C12orf42: variants seen among roughly 807,000 people sequenced by gnomAD.
C12orf42 encodes chromosome 12 open reading frame 42.
C12orf42 carries 25 observed loss-of-function variants against 21.6 expected under a neutral mutation model. The ratio of observed to expected loss-of-function variants is 1.16; its 90% CI spans 0.84 to 1.62. C12orf42 has a LOEUF of 1.62. C12orf42 is among the 40% of genes most tolerant of loss of function. The probability of loss-of-function intolerance (pLI) is 0.00; values close to 1 mark genes in which losing one functional copy is unlikely to be tolerated. For missense variants in C12orf42, 483 were observed against 459.3 expected (o/e 1.05, Z -0.47); for synonymous variants, 174 against 175.0 (o/e 0.99, Z 0.05).
intron 2 of C12orf42, among the ~76,000 whole-genome samples, chr12:103,462,095 G>GTTTTTTTTTTTTT (rs1565867930): frequency 4.1e-4 from 13 of 31,482 alleles, no homozygotes; most frequent in South Asian, 8.8e-4. Context: ...TTTTTTGCTT[G>GTTTTTTTTTTTTT]GTTTTTTTTT....
intron 1 of C12orf42, 136 bp from the exon 2 acceptor site, chr12:103,478,583 A>AT (rs3065865): frequency 0.057 from 15,970 of 279,616 alleles, 112 homozygotes; most frequent in East Asian, 0.067. Flanking sequence ...ACTTTCAATA[A>AT]TTTTTTTTTT....
At chr12:103,437,695 A>C (rs1379737137) in intron 2 of C12orf42, among the ~76,000 whole-genome samples, 1 of 150,698 alleles carries the variant, frequency 6.6e-6, no homozygotes, top group Non-Finnish European at 1.5e-5. Context: ...CTCTCCCAAA[A>C]CTAAACCAGG....
At chr12:103,297,581 G>A (rs1394677454), downstream of C12orf42, among the ~76,000 whole-genome samples, 1 of 152,130 alleles carries the variant, frequency 6.6e-6, no homozygotes, top group Non-Finnish European at 1.5e-5. Flanking sequence ...AGAAAAAGAG[G>A]GAATCCTCCC....
chr12:103,475,196 G>C (rs1416977050), intron 2 of C12orf42, among the ~76,000 whole-genome samples: 1 of 152,178 alleles, frequency 6.6e-6, no homozygotes, highest in Non-Finnish European at 1.5e-5. Context: ...ATCCCAGCAG[G>C]CTTTTGCCGC....
At chr12:103,483,612 T>C (rs1954621501) in intron 1 of C12orf42, among the ~76,000 whole-genome samples, 2 of 152,320 alleles carry the variant, frequency 1.3e-5, no homozygotes, top group South Asian at 4.1e-4. Context: ...GCAGCCGTTT[T>C]TTTGCTGAAT....
chr12:103,240,079 T>C (rs1263053501), intron 10 of C12orf42, among the ~76,000 whole-genome samples: 3 of 152,192 alleles, frequency 2.0e-5, no homozygotes, highest in African/African-American at 7.2e-5. Flanking sequence ...CACTAAGCAT[T>C]TACTAATATA....
At chr12:103,379,981 T>A (rs1273061428) in intron 3 of C12orf42, among the ~76,000 whole-genome samples, 2 of 152,198 alleles carry the variant, frequency 1.3e-5, no homozygotes, top group East Asian at 3.8e-4. Flanking sequence ...TTTGGGCTTT[T>A]TCTTTAGCCA....
chr12:103,068,902 G>GAT, the C12orf42 span, among the ~76,000 whole-genome samples: 1 of 101,732 alleles, frequency 9.8e-6, no homozygotes, highest in Non-Finnish European at 2.0e-5. Context: ...TAGATAGATA[G>GAT]ATAGATATAG....
At chr12:103,528,116 GATGAATGAATCA>G in the C12orf42 span, among the ~76,000 whole-genome samples, 1 of 152,158 alleles carries the variant, frequency 6.6e-6, no homozygotes. Context: ...GATTTCATGG[GATGAATGAATCA>G]ATGAATGAAT....
intron 2 of C12orf42, among the ~76,000 whole-genome samples, chr12:103,440,642 C>T (rs1288340513): frequency 6.6e-6 from 1 of 151,966 alleles, no homozygotes; most frequent in South Asian, 2.1e-4. Context: ...CTTTTAGACC[C>T]ATTTTGCAGA....
chr12:103,219,945 T>C, the C12orf42 span, among the ~76,000 whole-genome samples: 3 of 152,110 alleles, frequency 2.0e-5, no homozygotes, highest in Admixed American at 6.6e-5. Flanking sequence ...CATCCTACTA[T>C]AAAGACACAT....
At chr12:103,291,646 G>T (rs1294119665) in intron 4 of C12orf42, among the ~76,000 whole-genome samples, 1 of 152,100 alleles carries the variant, frequency 6.6e-6, no homozygotes, top group Non-Finnish European at 1.5e-5. Flanking sequence ...AGACTTGAGG[G>T]TTCCTCCCCT....
the C12orf42 span, among the ~76,000 whole-genome samples, chr12:103,099,887 T>C: frequency 6.6e-6 from 1 of 152,206 alleles, no homozygotes; most frequent in Non-Finnish European, 1.5e-5. Flanking sequence ...TAAGAGAACA[T>C]GCATCTCTTG....
chr12:103,226,928 A>G, the C12orf42 span, among the ~76,000 whole-genome samples: 22 of 152,294 alleles, frequency 1.4e-4, no homozygotes, highest in South Asian at 4.6e-3. Flanking sequence ...ACCTCAGACC[A>G]TTTGCCTATT....
chr12:103,214,964 TA>T, the C12orf42 span, among the ~76,000 whole-genome samples: 4 of 152,190 alleles, frequency 2.6e-5, no homozygotes, highest in Non-Finnish European at 5.9e-5. Context: ...TTCCCAGGAA[TA>T]AATCTACTAT....
At chr12:103,219,953 C>T in the C12orf42 span, among the ~76,000 whole-genome samples, 1 of 152,152 alleles carries the variant, frequency 6.6e-6, no homozygotes, top group African/African-American at 2.4e-5. Flanking sequence ...TATAAAGACA[C>T]ATGCAAATGT....
chr12:103,263,196 A>C (rs2079778501), intron 10 of C12orf42: 1 of 152,112 alleles, frequency 6.6e-6, no homozygotes, highest in Non-Finnish European at 1.5e-5. Flanking sequence ...GAAATACCTA[A>C]GGTAAATGAT....
At chr12:103,340,985 T>C (rs10860988) in intron 4 of C12orf42, among the ~76,000 whole-genome samples, 104,028 of 151,428 alleles carry the variant, frequency 0.69, 37,616 homozygotes, top group African/African-American at 0.92. Flanking sequence ...TGGTGGCGAG[T>C]ACCTGTAGTC....
the C12orf42 span, among the ~76,000 whole-genome samples, chr12:103,217,366 A>C: frequency 6.6e-6 from 1 of 151,970 alleles, no homozygotes; most frequent in South Asian, 2.1e-4. Flanking sequence ...AAAAACACAC[A>C]AACAAACAAA....
Sources: allele counts gnomAD v4.1 joint callset (sites outside exome capture counted in the v4.1 genomes callset), GRCh38; gene constraint gnomAD v4.1.1; transcripts MANE v1.5; gene names NCBI Gene and HGNC (gene_info 2026-07-23, HGNC 2026-07-21).